POU2AF3: variants seen among roughly 807,000 people sequenced by gnomAD.
POU2AF3 encodes the protein POU class 2 homeobox associating factor 3.
the POU2AF3 span, chr11:111,298,912 A>G: frequency 9.4e-7 from 1 of 1,060,938 alleles, no homozygotes; most frequent in Non-Finnish European, 1.1e-6. Context: ...CTACGGGGGG[A>G]GCTAGAGGCT....
At chr11:111,306,161 T>C in the POU2AF3 span, among the ~76,000 whole-genome samples, 1 of 152,184 alleles carries the variant, frequency 6.6e-6, no homozygotes, top group Admixed American at 6.5e-5. Flanking sequence ...CCTTTTATTT[T>C]TGCCCTAACC....
the POU2AF3 span, chr11:111,305,030 TC>T: frequency 1.7e-6 from 2 of 1,151,854 alleles, no homozygotes; most frequent in Non-Finnish European, 2.2e-6. Flanking sequence ...CTTTCAAAAG[TC>T]CATCTCAAAA....
the POU2AF3 span, chr11:111,306,761 A>C: frequency 1.4e-6 from 1 of 691,154 alleles, no homozygotes; most frequent in Non-Finnish European, 2.4e-6. Flanking sequence ...AGCAGAGAAG[A>C]ATTTAAAAGT....
chr11:111,301,827 A>G, the POU2AF3 span, among the ~76,000 whole-genome samples: 48 of 152,366 alleles, frequency 3.2e-4, no homozygotes, highest in African/African-American at 1.1e-3. Flanking sequence ...AAATAATAAT[A>G]TTATCTGGGG....
At chr11:111,308,654 G>A in the POU2AF3 span, 2 of 393,332 alleles carry the variant, frequency 5.1e-6, no homozygotes, top group African/African-American at 2.1e-5. Flanking sequence ...AATTTTTGTA[G>A]GAAACTTTCA....
chr11:111,299,184 T>C, the POU2AF3 span: 1 of 963,118 alleles, frequency 1.0e-6, no homozygotes, highest in Non-Finnish European at 1.2e-6. Flanking sequence ...GGAACCCGGC[T>C]TGAGGGGGAT....
the POU2AF3 span, among the ~76,000 whole-genome samples, chr11:111,301,707 G>A: frequency 6.6e-6 from 1 of 152,168 alleles, no homozygotes; most frequent in Admixed American, 6.5e-5. Flanking sequence ...TCTTCAAATT[G>A]GGGATGATAG....
chr11:111,299,384 A>G, the POU2AF3 span: 1 of 997,644 alleles, frequency 1.0e-6, no homozygotes. Context: ...TCCTGCGGCC[A>G]CCTCCACCTT....
At chr11:111,308,227 A>G in the POU2AF3 span, 1 of 1,551,572 alleles carries the variant, frequency 6.4e-7, no homozygotes. Flanking sequence ...ATTCCTACCA[A>G]CACTTGTCCT....
At chr11:111,301,882 G>A in the POU2AF3 span, among the ~76,000 whole-genome samples, 1 of 152,178 alleles carries the variant, frequency 6.6e-6, no homozygotes, top group Admixed American at 6.5e-5. Flanking sequence ...CAGCTATTTG[G>A]TAATGTTTGT....
chr11:111,298,872 G>A, the POU2AF3 span: 4 of 1,076,566 alleles, frequency 3.7e-6, no homozygotes, highest in Non-Finnish European at 4.6e-6. Context: ...CCTGAGACAC[G>A]CGGTGCGGAC....
the POU2AF3 span, among the ~76,000 whole-genome samples, chr11:111,304,500 C>T: frequency 2.6e-5 from 4 of 152,040 alleles, no homozygotes; most frequent in African/African-American, 9.7e-5. Flanking sequence ...CCCAAGCAAG[C>T]AAACATAAAT....
chr11:111,307,526 T>C, the POU2AF3 span, among the ~76,000 whole-genome samples: 1 of 152,222 alleles, frequency 6.6e-6, no homozygotes. Flanking sequence ...GTAACAATTG[T>C]AGACTTGCTT....
At chr11:111,308,393 G>T in the POU2AF3 span, 2 of 1,551,532 alleles carry the variant, frequency 1.3e-6, no homozygotes, top group Non-Finnish European at 1.7e-6. Flanking sequence ...CGCCACCAGT[G>T]ATTTCTATAA....
the POU2AF3 span, chr11:111,299,013 C>T: frequency 1.0e-6 from 1 of 994,210 alleles, no homozygotes; most frequent in Non-Finnish European, 1.2e-6. Context: ...GCGCCCGCTG[C>T]CCGCGGAGTC....
the POU2AF3 span, chr11:111,308,095 C>A: frequency 6.6e-7 from 1 of 1,516,462 alleles, no homozygotes; most frequent in Non-Finnish European, 8.8e-7. Context: ...CAAATTCCTC[C>A]ATTCTCTCTG....
At chr11:111,302,105 C>T in the POU2AF3 span, among the ~76,000 whole-genome samples, 14 of 152,166 alleles carry the variant, frequency 9.2e-5, no homozygotes, top group African/African-American at 3.1e-4. Flanking sequence ...TAACAACCAG[C>T]GGAGGTAAGT....
chr11:111,304,504 C>T, the POU2AF3 span, among the ~76,000 whole-genome samples: 4 of 152,058 alleles, frequency 2.6e-5, no homozygotes, highest in East Asian at 1.9e-4. Context: ...AGCAAGCAAA[C>T]ATAAATATTG....
chr11:111,308,476 C>G, the POU2AF3 span: 5 of 1,497,622 alleles, frequency 3.3e-6, no homozygotes, highest in Non-Finnish European at 3.6e-6. Context: ...ATGGGTATAT[C>G]TATTTTTCTA....
Sources: allele counts gnomAD v4.1 joint callset (sites outside exome capture counted in the v4.1 genomes callset), GRCh38; gene constraint gnomAD v4.1.1; transcripts MANE v1.5; gene names NCBI Gene and HGNC (gene_info 2026-07-23, HGNC 2026-07-21).